Variants in SHROOM4 observed in about 807,000 individuals in gnomAD.
The protein encoded by SHROOM4 is protein Shroom4.
Under a neutral mutation model 80.3 loss-of-function variants are expected in SHROOM4, and 17 were observed. The ratio of observed to expected loss-of-function variants is 0.21; its 90% CI spans 0.14 to 0.32. The LOEUF is 0.32. SHROOM4 is among the 10% of genes least tolerant of loss of function. The pLI is 1.00. For synonymous variants in SHROOM4, 400 were observed against 437.5 expected (o/e 0.91, Z 1.07); for missense variants, 993 against 1,140.3 (o/e 0.87, Z 1.86).
intron 1 of SHROOM4, among the ~76,000 whole-genome samples, chrX:50,698,882 C>T (rs941910974): frequency 2.7e-5 from 3 of 111,931 alleles, no homozygotes; most frequent in Non-Finnish European, 5.6e-5. Context: ...CATATTCTTC[C>T]GTAAAAGGTT....
chrX:50,651,254 C>G (rs1045559067), intron 2 of SHROOM4, among the ~76,000 whole-genome samples: 1 of 111,872 alleles, frequency 8.9e-6, no homozygotes, highest in African/African-American at 3.3e-5. Flanking sequence ...ATTTGTAAAG[C>G]CATCTAACTG....
intron 1 of SHROOM4, among the ~76,000 whole-genome samples, chrX:50,786,334 C>A (rs1935739505): frequency 8.9e-6 from 1 of 111,940 alleles, no homozygotes; most frequent in South Asian, 3.8e-4. Flanking sequence ...GTTAGGCTAG[C>A]AGTTGCTATA....
At chrX:50,618,301 T>TCCC (rs1930363806) in intron 5 of SHROOM4, among the ~76,000 whole-genome samples, 1 of 596 alleles carries the variant, frequency 1.7e-3, no homozygotes, top group African/African-American at 2.2e-3. Context: ...CCTTCCTTCC[T>TCCC]TCCTTCCTTC....
rs1258071971 is a variant in SHROOM4 at position 50,804,626 on chromosome X, CACTTA to C, written c.117+9271_117+9275del. Reference sequence around the variant, plus strand: ...ACTTACTATATGACTTAGAGTCTTTCACTTAACTTCTCCTGAGTCTCGGTTCTTCA... The same window carrying C: ...ACTTACTATATGACTTAGAGTCTTTCACTTCTCCTGAGTCTCGGTTCTTCA... On this transcript the variant is annotated intron_variant, in intron 1 of 8. Coordinates refer to ENST00000376020, the MANE Select transcript of SHROOM4 (RefSeq NM_020717.5). Among the ~76,000 whole-genome samples the C allele has an allele frequency of 2.7e-5, 3 of 112,349 alleles. No individual in the cohort carries two copies. In the Admixed American group the frequency reaches 2.8e-4, roughly 11 times the overall value.
Position 50,814,127 on chromosome X carries a change from C to G in SHROOM4, c.-109G>C. 1.5e-5 allele frequency: 8 copies of G among 529,387 alleles called. No homozygotes were observed. The South Asian group carries it at 2.1e-4, about 14-fold the overall frequency. 43.6% of individuals were successfully genotyped at this position (529,387 alleles called of 1,213,427 possible). ...CCTCCAGCTCTACGCCACCCCGCAC[C>G]GCCCTGCTCCGCCTACTCTCCCGGC... On this transcript the variant is annotated 5_prime_UTR_variant, in exon 1 of 9. Transcript: ENST00000376020.
At chrX:50,747,820 G>A (rs1934806781) in intron 1 of SHROOM4, among the ~76,000 whole-genome samples, 1 of 112,131 alleles carries the variant, frequency 8.9e-6, no homozygotes, top group Admixed American at 9.4e-5. Context: ...AGGAGGAGAA[G>A]GGGGGAACAT....
chrX:50,675,638 A>T, intron 2 of SHROOM4, among the ~76,000 whole-genome samples: 1 of 111,301 alleles, frequency 9.0e-6, no homozygotes, highest in East Asian at 2.8e-4. Context: ...AGTATTGAGA[A>T]AATAGTTCTG....
chrX:50,669,265 A>G (rs913761241), intron 2 of SHROOM4, among the ~76,000 whole-genome samples: 1 of 111,742 alleles, frequency 8.9e-6, no homozygotes, highest in African/African-American at 3.3e-5. Context: ...GTAGTATGCC[A>G]TGCTGTTTGA....
intron 1 of SHROOM4, among the ~76,000 whole-genome samples, chrX:50,809,487 G>A (rs1936291514): frequency 8.9e-6 from 1 of 112,642 alleles, no homozygotes; most frequent in Non-Finnish European, 1.9e-5. Context: ...ATTAGAGTTT[G>A]CCTAATTCAT....
intron 1 of SHROOM4, among the ~76,000 whole-genome samples, chrX:50,810,670 A>G (rs1936311058): frequency 8.9e-6 from 1 of 112,115 alleles, no homozygotes; most frequent in Non-Finnish European, 1.9e-5. Context: ...GGAAAGGGAC[A>G]CTGCATTAGG....
chrX:50,690,719 C>A (rs1557262576), intron 2 of SHROOM4, among the ~76,000 whole-genome samples: 1 of 112,707 alleles, frequency 8.9e-6, no homozygotes, highest in Non-Finnish European at 1.9e-5. Flanking sequence ...GTAATCCCAG[C>A]ACTTTGGGAG....
At chrX:50,684,153 T>C (rs1490703926) in intron 2 of SHROOM4, among the ~76,000 whole-genome samples, 2 of 111,830 alleles carry the variant, frequency 1.8e-5, no homozygotes, top group African/African-American at 6.5e-5. Flanking sequence ...GACAGAGCCT[T>C]TGCAGATGTA....
intron 1 of SHROOM4, among the ~76,000 whole-genome samples, chrX:50,725,798 A>G (rs4535873): frequency 0.12 from 13,849 of 111,818 alleles, 1,713 homozygotes; most frequent in African/African-American, 0.38. Flanking sequence ...CAGTGTGAAA[A>G]CAGACTAATA....
At chrX:50,678,582 T>C (rs2147408931) in intron 2 of SHROOM4, among the ~76,000 whole-genome samples, 1 of 111,582 alleles carries the variant, frequency 9.0e-6, no homozygotes, top group South Asian at 3.7e-4. Flanking sequence ...TTCAATGACA[T>C]CCTGTCACCT....
intron 6 of SHROOM4, among the ~76,000 whole-genome samples, chrX:50,604,877 C>T (rs1411022229): frequency 1.8e-5 from 2 of 111,988 alleles, no homozygotes; most frequent in African/African-American, 6.5e-5. Flanking sequence ...TATACCTATA[C>T]CTGAATCAGT....
chrX:50,648,642 C>A (rs1194231999), intron 2 of SHROOM4, among the ~76,000 whole-genome samples: 1 of 112,381 alleles, frequency 8.9e-6, no homozygotes, highest in Non-Finnish European at 1.9e-5. Flanking sequence ...AATGGCATCA[C>A]AGAGCCTCTG....
At chrX:50,653,949 T>C (rs1057137730) in intron 2 of SHROOM4, among the ~76,000 whole-genome samples, 2 of 111,946 alleles carry the variant, frequency 1.8e-5, no homozygotes, top group Admixed American at 9.5e-5. Context: ...ATGATTCTAA[T>C]GCACGCTCAT....
chrX:50,685,819 T>C (rs1933057472), intron 2 of SHROOM4, among the ~76,000 whole-genome samples: 1 of 112,047 alleles, frequency 8.9e-6, no homozygotes, highest in Non-Finnish European at 1.9e-5. Context: ...GCCTTTGTTT[T>C]GGCAAGAGAG....
intron 1 of SHROOM4, among the ~76,000 whole-genome samples, chrX:50,784,771 A>G (rs1162888837): frequency 8.9e-6 from 1 of 112,379 alleles, no homozygotes; most frequent in African/African-American, 3.2e-5. Context: ...ACTGGACTTT[A>G]TGAAAATTCA....
Sources: allele counts gnomAD v4.1 joint callset (sites outside exome capture counted in the v4.1 genomes callset), GRCh38; gene constraint gnomAD v4.1.1; transcripts MANE v1.5; gene names NCBI Gene and HGNC (gene_info 2026-07-23, HGNC 2026-07-21).